COL22A1: variants seen among roughly 807,000 people sequenced by gnomAD.
COL22A1 encodes collagen alpha-1(XXII) chain.
A neutral mutation model predicts 248.9 loss-of-function variants in COL22A1; 221 were observed. The observed-to-expected ratio is 0.89, with a 90% CI of 0.80 to 0.99. The LOEUF (loss-of-function observed/expected upper bound fraction) is 0.99. COL22A1 is among the 50% of genes least tolerant of loss of function. The pLI is 0.00. For synonymous variants in COL22A1, 891 were observed against 793.4 expected (o/e 1.12, Z -2.07); for missense variants, 2,240 against 2,179.0 (o/e 1.03, Z -0.56).
In COL22A1 at chr8:138,820,327, C is replaced by T. The variant is rs557488888; in HGVS notation, c.1245+809G>A. ...GGATGCTCTTGGGCATGGGAGCTAA[C>T]GTTGACTTCAGCTTGAAGATGGAAC... On this transcript the variant is annotated intron_variant, in intron 7 of 64. Transcript: ENST00000303045. Among the ~76,000 whole-genome samples the T allele has an allele frequency of 6.6e-5, 10 of 152,232 alleles. No individual in the cohort carries two copies. The East Asian group carries it at 7.7e-4, about 12-fold the overall frequency.
At chr8:138,763,366 G>A (rs923749344) in intron 16 of COL22A1, among the ~76,000 whole-genome samples, 5 of 149,570 alleles carry the variant, frequency 3.3e-5, no homozygotes, top group East Asian at 4.0e-4. Context: ...CAGCCCGGGC[G>A]ACAGAGTGAG....
At position 138,912,290 on chromosome 8, in the gene COL22A1, C is replaced by G. The variant is rs570025837; in HGVS notation, c.-73+1329G>C. On this transcript the variant is annotated intron_variant, in intron 1 of 64. Transcript: ENST00000303045. ...GCAGCGTACCCCATGCAGCAGGCCT[C>G]TAACAAAAATGAAGCCCTGCAATTT... is the stretch of plus-strand genomic sequence containing the variant. 2.6e-5 allele frequency among the ~76,000 whole-genome samples: 4 copies of G among 152,330 alleles called. No homozygotes were observed. In the South Asian group the frequency reaches 8.3e-4, roughly 32 times the overall value.
intron 50 of COL22A1, 121 bp from the exon 51 acceptor site, chr8:138,626,364 G>A: frequency 2.4e-6 from 2 of 826,066 alleles, no homozygotes; most frequent in East Asian, 5.1e-5. Context: ...GAAACAAGGA[G>A]TGCTTCTGTA....
At position 138,635,047 on chromosome 8, in the gene COL22A1, G is replaced by C. The variant is rs764325675; in HGVS notation, c.3572C>G (p.Pro1191Arg). 1 of 1,609,466 alleles carries C rather than the reference G, an allele frequency of 6.2e-7. No individual in the cohort carries two copies. Among genetic ancestry groups the C allele is most frequent in the Non-Finnish European group, 8.5e-7 (1 of 1,177,144 alleles). ...GTTCCCTGGGGGCCCCATGAAACCTGGAACTCCAGGATGACCCTAGGAAAA... is the reference window on the plus strand; with the variant it reads ...GTTCCCTGGGGGCCCCATGAAACCTCGAACTCCAGGATGACCCTAGGAAAA... The part of the protein sequence containing the change: ...QKGDQGHPGV[P>R]GFMGPPGNPG... The change falls in exon 49 of 65, where the codon CCA becomes CGA. Residue 1191 changes from proline (P) to arginine (R), a missense_variant. Transcript: ENST00000303045.
intron 22 of COL22A1, among the ~76,000 whole-genome samples, chr8:138,750,823 G>T (rs1053651144): frequency 6.6e-6 from 1 of 152,200 alleles, no homozygotes; most frequent in Non-Finnish European, 1.5e-5. Flanking sequence ...GGGAACTGGG[G>T]ACACAGAGTT....
chr8:138,837,676 G>A (rs999367865), intron 4 of COL22A1, among the ~76,000 whole-genome samples: 14 of 152,180 alleles, frequency 9.2e-5, no homozygotes, highest in Admixed American at 8.5e-4. Context: ...GGGGCCTGAG[G>A]AGCCCCAGCA....
At chr8:138,719,651 T>G (rs972879100) in intron 27 of COL22A1, among the ~76,000 whole-genome samples, 1 of 152,204 alleles carries the variant, frequency 6.6e-6, no homozygotes, top group Non-Finnish European at 1.5e-5. Context: ...CACCAGCACC[T>G]TCCCTGGCCA....
chr8:138,856,177 C>T (rs1586898755), intron 3 of COL22A1, among the ~76,000 whole-genome samples: 1 of 152,218 alleles, frequency 6.6e-6, no homozygotes. Flanking sequence ...AGCTGTGCCT[C>T]TCACCCCGAG....
intron 16 of COL22A1, among the ~76,000 whole-genome samples, chr8:138,769,623 C>T (rs7844608): frequency 0.2 from 30,773 of 152,092 alleles, 3,472 homozygotes; most frequent in African/African-American, 0.29. Flanking sequence ...GAGCTACCCA[C>T]GGACTTGGTA....
intron 3 of COL22A1, among the ~76,000 whole-genome samples, chr8:138,851,060 C>G (rs1484717787): frequency 6.6e-6 from 1 of 152,156 alleles, no homozygotes; most frequent in East Asian, 1.9e-4. Flanking sequence ...GAGAGCAACA[C>G]AGAACAGCAC....
Position 138,689,586 on chromosome 8 carries a change from G to A in COL22A1, c.2809-616C>T, listed in dbSNP as rs1301300478. On this transcript the variant is annotated intron_variant, in intron 36 of 64. Transcript: ENST00000303045. ...AAAAATTAGCTGGGCATGGAGGCAC[G>A]CCCCTGTAATCCTAGCTACTTGGGA... Among the ~76,000 whole-genome samples, 4 of 152,202 alleles carry A rather than the reference G, an allele frequency of 2.6e-5. No individual in the cohort carries two copies. The East Asian group carries it at 7.7e-4, about 29-fold the overall frequency.
At chr8:138,616,892 C>G in intron 54 of COL22A1, 22 bp downstream of exon 54, 1 of 1,613,976 alleles carries the variant, frequency 6.2e-7, no homozygotes, top group Non-Finnish European at 8.5e-7. Context: ...GGGGGGACCT[C>G]CAAAGTGAGG....
intron 41 of COL22A1, among the ~76,000 whole-genome samples, chr8:138,667,336 C>T (rs368604857): frequency 3.5e-4 from 54 of 152,168 alleles, no homozygotes; most frequent in Admixed American, 1.4e-3. Flanking sequence ...AAAATGTACA[C>T]GACAAACCTA....
chr8:138,830,596 C>T (rs1221226318), intron 5 of COL22A1, among the ~76,000 whole-genome samples: 1 of 152,190 alleles, frequency 6.6e-6, no homozygotes, highest in Admixed American at 6.5e-5. Context: ...AATCCGTGAC[C>T]GGAATCGGGG....
At chr8:138,717,016 T>A (rs1438196958) in intron 27 of COL22A1, 147 bp from the exon 28 acceptor site, 2 of 670,546 alleles carry the variant, frequency 3.0e-6, no homozygotes, top group Non-Finnish European at 5.3e-6. Context: ...GGCCCAAGAG[T>A]CATGGGCTCT....
intron 3 of COL22A1, among the ~76,000 whole-genome samples, chr8:138,868,633 G>A (rs1025259559): frequency 1.3e-5 from 2 of 152,126 alleles, no homozygotes; most frequent in Admixed American, 1.3e-4. Flanking sequence ...TATACAGTAA[G>A]AGCCCACACT....
chr8:138,724,895 C>T (rs769542867), intron 24 of COL22A1, among the ~76,000 whole-genome samples: 2 of 152,214 alleles, frequency 1.3e-5, no homozygotes, highest in Non-Finnish European at 2.9e-5. Context: ...CTATCCAATG[C>T]CACCTGCCGG....
At chr8:138,660,811 T>G (rs113589074) in intron 43 of COL22A1, among the ~76,000 whole-genome samples, 16,165 of 59,044 alleles carry the variant, frequency 0.27, 1,512 homozygotes, top group African/African-American at 0.36. Flanking sequence ...CAGACACACA[T>G]ACACACATAC....
intron 1 of COL22A1, among the ~76,000 whole-genome samples, chr8:138,889,573 G>A (rs1824905211): frequency 6.6e-6 from 1 of 152,104 alleles, no homozygotes; most frequent in Non-Finnish European, 1.5e-5. Flanking sequence ...TGGGGTGGGG[G>A]GAGTGGGGAG....
Sources: allele counts gnomAD v4.1 joint callset (sites outside exome capture counted in the v4.1 genomes callset), GRCh38; gene constraint gnomAD v4.1.1; transcripts MANE v1.5; gene names NCBI Gene and HGNC (gene_info 2026-07-23, HGNC 2026-07-21).